FSHR: variants seen among roughly 807,000 people sequenced by gnomAD.
FSHR encodes the protein follicle stimulating hormone receptor.
Under a neutral mutation model 52.1 loss-of-function variants are expected in FSHR, and 46 were observed. The ratio of observed to expected loss-of-function variants is 0.88; its 90% CI spans 0.70 to 1.13. The LOEUF is 1.13. Among genes scored for constraint, FSHR ranks in the 50% most tolerant of loss-of-function variants. FSHR has a pLI of 0.00. For missense variants in FSHR, 964 were observed against 834.6 expected (o/e 1.16, Z -1.91); for synonymous variants, 399 against 309.6 (o/e 1.29, Z -3.03).
At chr2:49,117,838 G>A (rs1281483228) in intron 1 of FSHR, among the ~76,000 whole-genome samples, 1 of 152,120 alleles carries the variant, frequency 6.6e-6, no homozygotes, top group African/African-American at 2.4e-5. Context: ...GTTATCATTT[G>A]TATGTACCTC....
At chr2:49,008,029 T>C (rs1447047093) in intron 4 of FSHR, among the ~76,000 whole-genome samples, 1 of 151,890 alleles carries the variant, frequency 6.6e-6, no homozygotes, top group African/African-American at 2.4e-5. Context: ...TTTTTTTTAT[T>C]TTTTATTTTT....
chr2:48,964,015 G>C, intron 9 of FSHR, 49 bp from the exon 10 acceptor site: 1 of 1,555,806 alleles, frequency 6.4e-7, no homozygotes, highest in Non-Finnish European at 8.8e-7. Flanking sequence ...ATCCAGTATA[G>C]CAAATACATC....
chr2:48,970,279 T>A (rs1674680800), intron 8 of FSHR, among the ~76,000 whole-genome samples: 3 of 152,214 alleles, frequency 2.0e-5, no homozygotes, highest in Non-Finnish European at 2.9e-5. Flanking sequence ...CAAGCAAATT[T>A]ATACTAGTTG....
intron 1 of FSHR, among the ~76,000 whole-genome samples, chr2:49,113,326 A>G (rs930434275): frequency 5.3e-5 from 8 of 152,188 alleles, no homozygotes; most frequent in African/African-American, 1.9e-4. Context: ...CAAGTGTGGT[A>G]GGCACCAGGG....
intron 4 of FSHR, among the ~76,000 whole-genome samples, chr2:49,013,210 T>C (rs1300870753): frequency 2.7e-5 from 4 of 149,760 alleles, no homozygotes; most frequent in Admixed American, 1.3e-4. Flanking sequence ...AGGAACCAAA[T>C]TGGCCAGTAC....
intron 2 of FSHR, among the ~76,000 whole-genome samples, chr2:49,041,848 C>T (rs571943745): frequency 5.8e-4 from 88 of 151,996 alleles, no homozygotes; most frequent in Non-Finnish European, 1.1e-3. Context: ...TGATAGTAGC[C>T]TAAAGTACCT....
At chr2:49,029,856 G>A (rs952950060) in intron 2 of FSHR, among the ~76,000 whole-genome samples, 6 of 152,138 alleles carry the variant, frequency 3.9e-5, no homozygotes, top group Non-Finnish European at 8.8e-5. Flanking sequence ...GATCTCCAGG[G>A]TCCCTGCTAG....
At chr2:49,064,727 G>A (rs779245430) in intron 2 of FSHR, among the ~76,000 whole-genome samples, 13 of 152,104 alleles carry the variant, frequency 8.5e-5, no homozygotes, top group African/African-American at 1.9e-4. Context: ...TCAGTACGAC[G>A]TTTCTACATT....
At chr2:49,143,035 A>G (rs752177441) in intron 1 of FSHR, among the ~76,000 whole-genome samples, 1 of 152,194 alleles carries the variant, frequency 6.6e-6, no homozygotes, top group Non-Finnish European at 1.5e-5. Flanking sequence ...CTTGGGCTCC[A>G]TAAGGCAGTC....
At chr2:49,103,780 A>G (rs888320249) in intron 1 of FSHR, among the ~76,000 whole-genome samples, 3 of 152,172 alleles carry the variant, frequency 2.0e-5, no homozygotes, top group Non-Finnish European at 2.9e-5. Context: ...CATGATGTTC[A>G]GGGATAAGAA....
At chr2:49,065,162 A>C (rs1449074071) in intron 2 of FSHR, among the ~76,000 whole-genome samples, 1 of 152,118 alleles carries the variant, frequency 6.6e-6, no homozygotes, top group Non-Finnish European at 1.5e-5. Context: ...TACACAGTGC[A>C]TATGGTGGGA....
In FSHR at chr2:48,962,946, G is replaced by C. The variant is rs775094322; in HGVS notation, c.1875C>G (p.Leu625=). The change falls in exon 10 of 10, where the codon CTC becomes CTG. Residue 625 remains leucine (L), a synonymous_variant. Transcript: ENST00000406846. ...GAAAGTTTTTGGTAAAGATGGCATA[G>C]AGGAAGGGGTTGGCACAGGAGTTGA... is the stretch of plus-strand genomic sequence containing the variant. ...HPINSCANPF[L]YAIFTKNFRR... is the part of the protein sequence containing the mutation. 2 of 1,614,176 alleles carry C rather than the reference G, an allele frequency of 1.2e-6. No homozygotes were observed. The highest frequency in any genetic ancestry group is 1.7e-6 in the Non-Finnish European group (2 of 1,180,030).
chr2:48,963,067 A>T lies in FSHR; in HGVS notation c.1754T>A (p.Met585Lys), dbSNP rs1674302171. 6.2e-7 allele frequency: 1 copy of T among 1,614,004 alleles called. No individual in the cohort carries two copies. Among genetic ancestry groups the T allele is most frequent in the Non-Finnish European group, 8.5e-7 (1 of 1,180,018 alleles). The change falls in exon 10 of 10, where the codon ATG (methionine) becomes AAG (lysine). Residue 585 changes from methionine (M) to lysine (K), a missense_variant. Transcript: ENST00000406846. ...AMLIFTDFLC[M>K]APISFFAISA... ...AATGGCAAAGAAAGAAATGGGTGCC[A>T]TGCAGAGGAAGTCAGTGAAGATGAG...
chr2:49,123,584 T>G (rs1359063079), intron 1 of FSHR, among the ~76,000 whole-genome samples: 1 of 152,206 alleles, frequency 6.6e-6, no homozygotes, highest in Non-Finnish European at 1.5e-5. Context: ...AATTCCACAG[T>G]GTATACATGT....
At chr2:49,046,607 A>C (rs1668667259) in intron 2 of FSHR, among the ~76,000 whole-genome samples, 1 of 152,210 alleles carries the variant, frequency 6.6e-6, no homozygotes, top group African/African-American at 2.4e-5. Context: ...GTTGTTGTTA[A>C]GCAATATGAG....
intron 1 of FSHR, among the ~76,000 whole-genome samples, chr2:49,125,829 C>T (rs1019799016): frequency 8.5e-5 from 13 of 152,304 alleles, no homozygotes; most frequent in African/African-American, 2.2e-4. Context: ...CACTAGCTGT[C>T]GTGGTACAGA....
intron 1 of FSHR, among the ~76,000 whole-genome samples, chr2:49,123,841 G>C (rs997801933): frequency 2.0e-5 from 3 of 152,092 alleles, no homozygotes; most frequent in Non-Finnish European, 2.9e-5. Context: ...CATCAGGGGA[G>C]GGAGGGTTCT....
At chr2:49,118,108 A>T (rs1671671710) in intron 1 of FSHR, among the ~76,000 whole-genome samples, 1 of 152,030 alleles carries the variant, frequency 6.6e-6, no homozygotes, top group Non-Finnish European at 1.5e-5. Context: ...AATTTGATGG[A>T]TGGTTGGGGG....
chr2:49,039,231 A>G (rs189143266), intron 2 of FSHR, among the ~76,000 whole-genome samples: 4 of 152,066 alleles, frequency 2.6e-5, no homozygotes, highest in Non-Finnish European at 5.9e-5. Flanking sequence ...ACCCTCTTAC[A>G]TCTTTTGTTT....
Sources: gnomAD v4.1 joint callset for allele counts (sites outside exome capture counted in the v4.1 genomes callset) on GRCh38, gnomAD v4.1.1 for gene constraint, MANE v1.5 for transcripts, NCBI Gene and HGNC (gene_info 2026-07-23, HGNC 2026-07-21) for gene names.